Variants in SLC35F4 observed in about 807,000 individuals in gnomAD.
SLC35F4 encodes solute carrier family 35 member F4.
A neutral mutation model predicts 44.2 loss-of-function variants in SLC35F4; 24 were observed. The observed-to-expected ratio is 0.54, with a 90% CI of 0.39 to 0.76. SLC35F4 has a LOEUF of 0.76. Among genes scored for constraint, SLC35F4 ranks in the 30% least tolerant of loss-of-function variants. The pLI, the probability that SLC35F4 is intolerant of heterozygous loss-of-function variation, is 0.00. For synonymous variants in SLC35F4, 238 were observed against 223.6 expected (o/e 1.06, Z -0.57); for missense variants, 562 against 586.1 (o/e 0.96, Z 0.42).
intron 1 of SLC35F4, among the ~76,000 whole-genome samples, chr14:57,681,198 A>G (rs1188203839): frequency 6.6e-6 from 1 of 152,126 alleles, no homozygotes; most frequent in Non-Finnish European, 1.5e-5. Flanking sequence ...AACAGAACAG[A>G]GGCCTCAGAA....
chr14:57,643,317 A>G (rs1399851671), intron 1 of SLC35F4, among the ~76,000 whole-genome samples: 2 of 152,106 alleles, frequency 1.3e-5, no homozygotes, highest in African/African-American at 4.8e-5. Context: ...TTAACAATGA[A>G]CATTTACTTT....
At position 57,946,248 on chromosome 14, in the gene SLC35F4, C is replaced by T. The variant is rs925681964; in HGVS notation, n.282+35665G>A. On this transcript the variant is annotated intron_variant and non_coding_transcript_variant, in intron 1 of 1. Coordinates refer to the SLC35F4 transcript ENST00000556568. ...TTCCAATGTTATCTTCTAGAATTTT[C>T]ATGGTTTCAGGTCTTAGATGTATGC... Among the ~76,000 whole-genome samples, 8 of 151,994 alleles carry T rather than the reference C, an allele frequency of 5.3e-5. 1 individual carries two copies. The highest frequency in any genetic ancestry group is 3.9e-4 in the Admixed American group (6 of 15,248).
chr14:57,913,812 C>T (rs1889262923), intron 1 of SLC35F4, among the ~76,000 whole-genome samples: 1 of 152,164 alleles, frequency 6.6e-6, no homozygotes, highest in Admixed American at 6.5e-5. Flanking sequence ...CTAATCTATA[C>T]CATTTTCTGT....
At chr14:57,731,182 G>A (rs1371570983) in intron 1 of SLC35F4, among the ~76,000 whole-genome samples, 3 of 152,016 alleles carry the variant, frequency 2.0e-5, no homozygotes, top group African/African-American at 4.8e-5. Context: ...GCAGAGCCCC[G>A]ATGCGACCCT....
At chr14:57,738,557 G>A (rs1401920801) in intron 1 of SLC35F4, among the ~76,000 whole-genome samples, 1 of 151,708 alleles carries the variant, frequency 6.6e-6, no homozygotes, top group East Asian at 1.9e-4. Flanking sequence ...TTCTGGTATA[G>A]ATTATATAAT....
intron 1 of SLC35F4, among the ~76,000 whole-genome samples, chr14:57,892,905 T>A (rs1888800461): frequency 6.6e-6 from 1 of 152,212 alleles, no homozygotes; most frequent in African/African-American, 2.4e-5. Flanking sequence ...CAAATATGGC[T>A]TTCTAAAATT....
At chr14:57,623,237 G>T (rs1415063671) in intron 1 of SLC35F4, among the ~76,000 whole-genome samples, 2 of 152,098 alleles carry the variant, frequency 1.3e-5, no homozygotes, top group African/African-American at 4.8e-5. Flanking sequence ...AATGGTAAAG[G>T]GATCAATGCA....
At chr14:57,751,936 C>CTGTGTG (rs938695833) in intron 1 of SLC35F4, among the ~76,000 whole-genome samples, 7 of 134,996 alleles carry the variant, frequency 5.2e-5, no homozygotes, top group African/African-American at 1.9e-4. Context: ...CTCTCTCTCT[C>CTGTGTG]TGTGTGTGTG....
intron 1 of SLC35F4, chr14:57,631,009 A>C (rs1179939031): frequency 4.3e-6 from 1 of 233,974 alleles, no homozygotes; most frequent in East Asian, 1.8e-4. Context: ...ATTAAAAATA[A>C]ACTTTCATAT....
intron 1 of SLC35F4, among the ~76,000 whole-genome samples, chr14:57,664,981 C>T (rs942473002): frequency 2.0e-5 from 3 of 152,154 alleles, no homozygotes; most frequent in Non-Finnish European, 4.4e-5. Context: ...GGGCAGGAGC[C>T]ATGTGCTCCC....
At chr14:57,767,892 C>T (rs2077271895) in intron 1 of SLC35F4, among the ~76,000 whole-genome samples, 2 of 152,118 alleles carry the variant, frequency 1.3e-5, no homozygotes, top group South Asian at 4.1e-4. Flanking sequence ...ACTATATACA[C>T]ATACGTTCAA....
chr14:57,833,121 T>C (rs1350466765), intron 1 of SLC35F4, among the ~76,000 whole-genome samples: 7 of 152,202 alleles, frequency 4.6e-5, no homozygotes, highest in Non-Finnish European at 8.8e-5. Context: ...AAAGCATGAC[T>C]GGTATAAAGC....
At position 57,945,786 on chromosome 14, in the gene SLC35F4, TA is replaced by T. The variant is rs1466582640; in HGVS notation, n.282+36126del. ...TCACCACCTGCATGCCAACATCTAT[TA>T]TTTTTTTATTTTTTGATTATGACCA... On this transcript the variant is annotated intron_variant and non_coding_transcript_variant, in intron 1 of 1. Transcript: ENST00000556568. Among the ~76,000 whole-genome samples, 7 of 152,242 alleles carry T rather than the reference TA, an allele frequency of 4.6e-5. No homozygotes were observed. In the East Asian group the frequency reaches 7.7e-4, roughly 17 times the overall value.
At chr14:57,807,230 T>C (rs1480201501) in intron 1 of SLC35F4, among the ~76,000 whole-genome samples, 1 of 152,246 alleles carries the variant, frequency 6.6e-6, no homozygotes, top group Admixed American at 6.5e-5. Flanking sequence ...TTGACTGTTC[T>C]TCCTCTTGAG....
At chr14:57,911,659 C>G (rs548154853) in intron 1 of SLC35F4, among the ~76,000 whole-genome samples, 2 of 152,034 alleles carry the variant, frequency 1.3e-5, no homozygotes, top group Middle Eastern at 6.8e-3. Context: ...GCGTATAATT[C>G]TTTTTATACA....
rs1482496652 is a variant in SLC35F4, at chr14:57,865,696, G to A, written c.103+27C>T. The A allele has an allele frequency of 4.0e-6, 6 of 1,506,596 alleles. No individual in the cohort carries two copies. In the East Asian group the frequency reaches 1.3e-4, roughly 32 times the overall value. The allele number at this position is 1,506,596 out of a possible 1,614,324, so 93.3% of individuals were successfully genotyped here. ...CGCGCCCACCTCCCTTCCCCGCCTC[G>A]CGCAGGGCAGCCGCGCGGCGTCTTA... On this transcript the variant is annotated intron_variant, in intron 1 of 7. Transcript: ENST00000556826.
chr14:57,971,051 T>C (rs987461218), intron 1 of SLC35F4, among the ~76,000 whole-genome samples: 3 of 152,192 alleles, frequency 2.0e-5, no homozygotes, highest in Non-Finnish European at 2.9e-5. Context: ...AGTTGCCAAA[T>C]TAATGGGTTA....
chr14:57,661,134 T>C (rs2140236458), intron 1 of SLC35F4, among the ~76,000 whole-genome samples: 1 of 152,252 alleles, frequency 6.6e-6, no homozygotes, highest in South Asian at 2.1e-4. Flanking sequence ...TTTCAGGCCT[T>C]TCTTTTTACA....
intron 1 of SLC35F4, among the ~76,000 whole-genome samples, chr14:57,701,949 T>C (rs985238367): frequency 6.6e-6 from 1 of 152,134 alleles, no homozygotes; most frequent in Non-Finnish European, 1.5e-5. Flanking sequence ...ATATTTTCAA[T>C]ATTCTAGGAA....
Sources: gnomAD v4.1 joint callset for allele counts (sites outside exome capture counted in the v4.1 genomes callset) on GRCh38, gnomAD v4.1.1 for gene constraint, MANE v1.5 for transcripts, NCBI Gene and HGNC (gene_info 2026-07-23, HGNC 2026-07-21) for gene names.